The following WWOX variants were observed in gnomAD, a reference collection of about 807,000 sequenced individuals.
WWOX encodes the protein WW domain containing oxidoreductase.
In WWOX, 69 loss-of-function variants were observed where a neutral mutation model predicts 46.2. That is an observed-to-expected ratio of 1.49 (90% CI 1.23 to 1.82). The LOEUF (loss-of-function observed/expected upper bound fraction) is 1.82, where lower values mean the gene tolerates loss of function less well. WWOX is among the 40% of genes most tolerant of loss of function. The pLI, the probability that WWOX is intolerant of heterozygous loss-of-function variation, is 0.00. For missense variants in WWOX, 919 were observed against 542.6 expected (o/e 1.69, Z -6.89); for synonymous variants, 359 against 202.6 (o/e 1.77, Z -6.56).
At chr16:79,047,672 ATTTTT>A (rs71140858) in intron 8 of WWOX, among the ~76,000 whole-genome samples, 11 of 53,540 alleles carry the variant, frequency 2.1e-4, no homozygotes, top group African/African-American at 6.1e-4. Flanking sequence ...GACTGTCCTG[ATTTTT>A]TTTTTTTTTT....
intron 8 of WWOX, among the ~76,000 whole-genome samples, chr16:78,595,756 G>C (rs533728921): frequency 6.6e-6 from 1 of 152,180 alleles, no homozygotes; most frequent in African/African-American, 2.4e-5. Flanking sequence ...AAGATAATTA[G>C]CATAGCCATC....
At chr16:78,944,691 A>G (rs1260897815) in intron 8 of WWOX, among the ~76,000 whole-genome samples, 2 of 152,142 alleles carry the variant, frequency 1.3e-5, no homozygotes, top group East Asian at 3.9e-4. Context: ...AATGCAAGTC[A>G]CAATATCCTG....
intron 8 of WWOX, among the ~76,000 whole-genome samples, chr16:79,063,704 CTG>C (rs1262056015): frequency 6.6e-6 from 1 of 152,140 alleles, no homozygotes; most frequent in Non-Finnish European, 1.5e-5. Flanking sequence ...CAAGAAACCT[CTG>C]TGAAAAATCC....
chr16:78,494,648 T>G (rs537376306), intron 8 of WWOX, among the ~76,000 whole-genome samples: 11 of 152,216 alleles, frequency 7.2e-5, no homozygotes, highest in Non-Finnish European at 1.6e-4. Context: ...CTGCATCTCC[T>G]GGATTTTGCA....
chr16:78,932,581 C>T (rs1255629156), intron 8 of WWOX, among the ~76,000 whole-genome samples: 3 of 152,202 alleles, frequency 2.0e-5, no homozygotes, highest in Admixed American at 6.5e-5. Context: ...TTCCTGGCAC[C>T]GTTTTCAAGA....
chr16:78,734,666 C>G (rs763160179), intron 8 of WWOX, among the ~76,000 whole-genome samples: 4 of 151,704 alleles, frequency 2.6e-5, no homozygotes, highest in Non-Finnish European at 5.9e-5. Flanking sequence ...TCTGGGGTGT[C>G]TGTGAGTGTG....
At position 78,599,659 on chromosome 16, in the gene WWOX, C is replaced by T. The variant is rs574462276; in HGVS notation, c.1056+166907C>T. On this transcript the variant is annotated intron_variant, in intron 8 of 8. Coordinates refer to ENST00000566780, the MANE Select transcript of WWOX (RefSeq NM_016373.4). ...CAACATTTGCTCCCGAGTCTCAGAG[C>T]GGCCCCTGAAGAGACAGGTTGGACC... 4.7e-4 allele frequency among the ~76,000 whole-genome samples: 72 copies of T among 152,294 alleles called. 4 individuals carry two copies. The South Asian group carries it at 0.013, about 28-fold the overall frequency.
chr16:79,032,417 A>G (rs7195145), intron 8 of WWOX, among the ~76,000 whole-genome samples: 1,721 of 147,256 alleles, frequency 0.012, 25 homozygotes, highest in African/African-American at 0.04. Flanking sequence ...AATATGTTAC[A>G]TATTATGTTG....
At chr16:78,350,572 T>C (rs539228773) in intron 5 of WWOX, among the ~76,000 whole-genome samples, 1 of 121,134 alleles carries the variant, frequency 8.3e-6, no homozygotes, top group South Asian at 2.5e-4. Flanking sequence ...GCCCTTTGTG[T>C]CTCGATCCTT....
At chr16:78,741,330 G>A (rs1005722557) in intron 8 of WWOX, among the ~76,000 whole-genome samples, 1 of 152,214 alleles carries the variant, frequency 6.6e-6, no homozygotes, top group Non-Finnish European at 1.5e-5. Context: ...GGAGGCCAAG[G>A]TGGGCAGATT....
At chr16:79,196,778 G>C (rs771577477) in intron 8 of WWOX, among the ~76,000 whole-genome samples, 1 of 152,054 alleles carries the variant, frequency 6.6e-6, no homozygotes, top group East Asian at 1.9e-4. Context: ...ACTTGTTGTA[G>C]AGATGTTCTA....
chr16:78,145,099 A>C (rs143693734), intron 4 of WWOX, among the ~76,000 whole-genome samples: 4 of 152,266 alleles, frequency 2.6e-5, no homozygotes, highest in African/African-American at 7.2e-5. Context: ...TGTAGGCCAG[A>C]AGGTTGAAGT....
At chr16:78,239,035 C>A (rs541631494) in intron 5 of WWOX, among the ~76,000 whole-genome samples, 1 of 152,174 alleles carries the variant, frequency 6.6e-6, no homozygotes, top group Non-Finnish European at 1.5e-5. Context: ...CTCGTACCTG[C>A]CTGATTCCAG....
chr16:78,866,985 T>C (rs1052931757), intron 8 of WWOX, among the ~76,000 whole-genome samples: 6 of 152,300 alleles, frequency 3.9e-5, no homozygotes, highest in African/African-American at 1.4e-4. Flanking sequence ...GGTTTCAAAT[T>C]TGTGATTTGT....
chr16:78,124,886 A>G lies in WWOX; in HGVS notation c.409+9732A>G, dbSNP rs114760767. On this transcript the variant is annotated intron_variant, in intron 4 of 8. Coordinates refer to ENST00000566780, the MANE Select transcript of WWOX (RefSeq NM_016373.4). Reference sequence around the variant, plus strand: ...CTAAGAGGAGATCTGAGACAGAGAGATGGGGGCGGGGAGGAAACCTATTTC... The same window carrying G: ...CTAAGAGGAGATCTGAGACAGAGAGGTGGGGGCGGGGAGGAAACCTATTTC... Among the ~76,000 whole-genome samples, 425 of 152,192 alleles carry G rather than the reference A, an allele frequency of 2.8e-3. 2 individuals are homozygous for G. Among genetic ancestry groups the G allele is most frequent in the African/African-American group, 9.2e-3 (383 of 41,510 alleles).
chr16:78,779,196 G>A (rs1196417710), intron 8 of WWOX, among the ~76,000 whole-genome samples: 1 of 152,186 alleles, frequency 6.6e-6, no homozygotes, highest in Admixed American at 6.5e-5. Context: ...CCAGGCTGGA[G>A]TGCAGTGGCA....
intron 8 of WWOX, among the ~76,000 whole-genome samples, chr16:78,834,492 G>A (rs2051920913): frequency 6.6e-6 from 1 of 152,136 alleles, no homozygotes; most frequent in Non-Finnish European, 1.5e-5. Flanking sequence ...AAGAAACATA[G>A]TAAGTGAGAA....
At chr16:78,897,391 G>C (rs1048068653) in intron 8 of WWOX, 8 of 151,210 alleles carry the variant, frequency 5.3e-5, no homozygotes, top group African/African-American at 1.9e-4. Flanking sequence ...TGTTTTACCT[G>C]TTCTAGAACT....
chr16:78,889,980 C>G (rs1053556031), intron 8 of WWOX, among the ~76,000 whole-genome samples: 1 of 151,990 alleles, frequency 6.6e-6, no homozygotes, highest in Non-Finnish European at 1.5e-5. Flanking sequence ...GAAAATGAAT[C>G]TCTGTTTTTT....
Sources: allele counts gnomAD v4.1 joint callset (sites outside exome capture counted in the v4.1 genomes callset), GRCh38; gene constraint gnomAD v4.1.1; transcripts MANE v1.5; gene names NCBI Gene and HGNC (gene_info 2026-07-23, HGNC 2026-07-21).